CCSER1: variants seen among roughly 807,000 people sequenced by gnomAD.
The protein encoded by CCSER1 is coiled-coil serine rich protein 1.
In CCSER1, 41 loss-of-function variants were observed where a neutral mutation model predicts 82.0. The observed-to-expected ratio is 0.50, with a 90% CI of 0.39 to 0.65. The LOEUF (loss-of-function observed/expected upper bound fraction) is 0.65, where lower values mean the gene tolerates loss of function less well. Ranked by LOEUF, CCSER1 falls within the 30% of genes least tolerant of loss-of-function variation. CCSER1 has a pLI of 0.00. For missense variants in CCSER1, 1,119 were observed against 1,064.2 expected (o/e 1.05, Z -0.72); for synonymous variants, 414 against 383.9 (o/e 1.08, Z -0.92).
chr4:91,199,410 A>G (rs956474330), intron 10 of CCSER1, among the ~76,000 whole-genome samples: 4 of 152,172 alleles, frequency 2.6e-5, no homozygotes, highest in African/African-American at 9.7e-5. Context: ...AGATGACTAT[A>G]TTTCTTAGTT....
At chr4:90,258,480 C>G (rs1231709641) in intron 1 of CCSER1, among the ~76,000 whole-genome samples, 1 of 152,104 alleles carries the variant, frequency 6.6e-6, no homozygotes, top group East Asian at 1.9e-4. Context: ...CCACTGCATT[C>G]CAGCCTGGCG....
intron 5 of CCSER1, among the ~76,000 whole-genome samples, chr4:90,532,978 G>GT (rs1774779966): frequency 6.6e-6 from 1 of 150,900 alleles, no homozygotes; most frequent in Admixed American, 6.6e-5. Context: ...AGAGAGCTAG[G>GT]TTTTTTAGTT....
chr4:90,444,339 A>AG (rs1383304814), intron 4 of CCSER1, among the ~76,000 whole-genome samples: 2 of 152,058 alleles, frequency 1.3e-5, no homozygotes, highest in Non-Finnish European at 2.9e-5. Context: ...AAGATAAGTA[A>AG]GGGGGAAGCT....
chr4:91,159,180 G>A (rs975930105), intron 10 of CCSER1, among the ~76,000 whole-genome samples: 51 of 151,932 alleles, frequency 3.4e-4, no homozygotes, highest in African/African-American at 1.2e-3. Flanking sequence ...CCGGGCTTCA[G>A]CAACTTATAG....
chr4:90,901,063 CTG>C (rs1197019830), intron 8 of CCSER1, among the ~76,000 whole-genome samples: 3 of 151,608 alleles, frequency 2.0e-5, no homozygotes, highest in Non-Finnish European at 4.4e-5. Context: ...TTTAAAAAAA[CTG>C]TTGTTTATTT....
intron 10 of CCSER1, among the ~76,000 whole-genome samples, chr4:91,233,104 T>C (rs1056018589): frequency 2.6e-5 from 4 of 151,572 alleles, no homozygotes; most frequent in Non-Finnish European, 5.9e-5. Context: ...ATGGGCCTTA[T>C]TTTATGAAAG....
intron 6 of CCSER1, among the ~76,000 whole-genome samples, chr4:90,640,610 A>G (rs1002422181): frequency 2.6e-5 from 4 of 152,124 alleles, no homozygotes; most frequent in Non-Finnish European, 5.9e-5. Context: ...TGTAATCTCC[A>G]TTATCCCCAT....
chr4:91,243,162 A>G (rs533260122), intron 10 of CCSER1, among the ~76,000 whole-genome samples: 1 of 152,282 alleles, frequency 6.6e-6, no homozygotes, highest in Admixed American at 6.5e-5. Flanking sequence ...ACAGTGGAAA[A>G]TAAAGCCAAG....
intron 5 of CCSER1, among the ~76,000 whole-genome samples, chr4:90,600,131 T>G (rs1382318036): frequency 6.6e-6 from 1 of 152,190 alleles, no homozygotes; most frequent in African/African-American, 2.4e-5. Flanking sequence ...ATATTTGGAT[T>G]GTTTACAGTT....
At chr4:91,472,849 C>T (rs1028619366) in intron 10 of CCSER1, among the ~76,000 whole-genome samples, 1 of 152,128 alleles carries the variant, frequency 6.6e-6, no homozygotes, top group Non-Finnish European at 1.5e-5. Context: ...AAATTATTTC[C>T]TCTGGACACT....
intron 1 of CCSER1, among the ~76,000 whole-genome samples, chr4:90,158,469 C>T (rs1366292201): frequency 6.6e-6 from 1 of 152,204 alleles, no homozygotes; most frequent in Non-Finnish European, 1.5e-5. Flanking sequence ...TTTGTGTGCC[C>T]TGCCCCCAGA....
intron 1 of CCSER1, among the ~76,000 whole-genome samples, chr4:90,294,083 C>G (rs1433013612): frequency 1.3e-5 from 2 of 151,840 alleles, no homozygotes; most frequent in African/African-American, 4.8e-5. Context: ...TTCTAAGAGG[C>G]AGGAAATAGC....
intron 4 of CCSER1, among the ~76,000 whole-genome samples, chr4:90,441,076 T>C (rs1759813543): frequency 6.6e-6 from 1 of 152,188 alleles, no homozygotes. Context: ...AGTGGTGTTT[T>C]GGGAGGATCT....
intron 6 of CCSER1, among the ~76,000 whole-genome samples, chr4:90,638,534 A>G (rs1049930979): frequency 1.3e-5 from 2 of 152,170 alleles, no homozygotes; most frequent in African/African-American, 4.8e-5. Context: ...ACAAGGTAAC[A>G]TAGTCTTCAT....
intron 1 of CCSER1, among the ~76,000 whole-genome samples, chr4:90,200,038 A>T (rs1016758021): frequency 6.8e-6 from 1 of 146,192 alleles, no homozygotes; most frequent in Non-Finnish European, 1.5e-5. Flanking sequence ...GGCACCCTCC[A>T]CTCCCTGACA....
At chr4:90,827,771 G>T (rs1760648526) in intron 8 of CCSER1, among the ~76,000 whole-genome samples, 1 of 152,072 alleles carries the variant, frequency 6.6e-6, no homozygotes, top group Non-Finnish European at 1.5e-5. Context: ...TTTAATAATT[G>T]AATCTGTTAA....
At chr4:90,949,137 C>A (rs939024654) in intron 9 of CCSER1, among the ~76,000 whole-genome samples, 6 of 152,044 alleles carry the variant, frequency 3.9e-5, no homozygotes, top group Non-Finnish European at 8.8e-5. Flanking sequence ...GAGTATCAGA[C>A]ACAGACCTAC....
At chr4:91,451,768 A>G (rs1215190883) in intron 10 of CCSER1, among the ~76,000 whole-genome samples, 1 of 152,012 alleles carries the variant, frequency 6.6e-6, no homozygotes, top group South Asian at 2.1e-4. Flanking sequence ...CAGATTAGAC[A>G]CTGTAGAATA....
chr4:91,128,396 C>T (rs1292221238), intron 10 of CCSER1, among the ~76,000 whole-genome samples: 1 of 151,964 alleles, frequency 6.6e-6, no homozygotes, highest in African/African-American at 2.4e-5. Context: ...GTGTAAACCC[C>T]TCATTTTATC....
Sources: allele counts gnomAD v4.1 joint callset (sites outside exome capture counted in the v4.1 genomes callset), GRCh38; gene constraint gnomAD v4.1.1; transcripts MANE v1.5; gene names NCBI Gene and HGNC (gene_info 2026-07-23, HGNC 2026-07-21).